Variants in FAXC observed in about 807,000 individuals in gnomAD.
FAXC encodes failed axon connections homolog.
A neutral mutation model predicts 41.9 loss-of-function variants in FAXC; 10 were observed. The ratio of observed to expected loss-of-function variants is 0.24; its 90% CI spans 0.15 to 0.41. The LOEUF (loss-of-function observed/expected upper bound fraction) is 0.41. Among genes scored for constraint, FAXC ranks in the 10% least tolerant of loss-of-function variants. The pLI is 1.00. For missense variants in FAXC, 399 were observed against 510.9 expected, an observed-to-expected ratio of 0.78 and a Z score of 2.11; for synonymous variants, 183 against 183.8, an observed-to-expected ratio of 1.00 and a Z score of 0.03.
intron 1 of FAXC, among the ~76,000 whole-genome samples, chr6:99,348,247 C>T (rs866012949): frequency 5.9e-5 from 9 of 152,120 alleles, no homozygotes; most frequent in Admixed American, 4.6e-4. Flanking sequence ...CTTCCAGTGA[C>T]GGAAGGCTCA....
intron 4 of FAXC, among the ~76,000 whole-genome samples, chr6:99,305,472 TA>T: frequency 6.6e-6 from 1 of 152,212 alleles, no homozygotes; most frequent in South Asian, 2.1e-4. Context: ...TGATCTCAGG[TA>T]AGCTAATTCA....
Position 99,274,770 on chromosome 6 carries a change from A to G in FAXC, c.*6394T>C, listed in dbSNP as rs1268896311. On this transcript the variant is annotated 3_prime_UTR_variant, in exon 6 of 6. Transcript: ENST00000389677. The stretch of plus-strand genomic sequence containing the variant: ...ACAAATCCCAGGCATAATTTGTTAA[A>G]GATAAAAATACAATCATTTGGACAT... The G allele has an allele frequency of 6.6e-6, 1 of 152,242 alleles. No individual in the cohort carries two copies. Among genetic ancestry groups the G allele is most frequent in the Non-Finnish European group, 1.5e-5 (1 of 68,032 alleles). The allele number at this position is 152,242 out of a possible 1,614,324, so 9.4% of individuals were successfully genotyped here.
intron 4 of FAXC, among the ~76,000 whole-genome samples, chr6:99,296,746 T>TA (rs1338489152): frequency 6.6e-6 from 1 of 151,942 alleles, no homozygotes; most frequent in Non-Finnish European, 1.5e-5. Context: ...AGACCAGGGA[T>TA]AAAATACAAG....
At chr6:99,312,705 C>A (rs879143900) in intron 4 of FAXC, among the ~76,000 whole-genome samples, 32 of 152,162 alleles carry the variant, frequency 2.1e-4, no homozygotes, top group African/African-American at 7.5e-4. Context: ...TGTAAGGTTG[C>A]AATATTTTAG....
At chr6:99,297,175 T>A (rs1355215889) in intron 4 of FAXC, among the ~76,000 whole-genome samples, 1 of 152,116 alleles carries the variant, frequency 6.6e-6, no homozygotes, top group Non-Finnish European at 1.5e-5. Flanking sequence ...CCTTCCCACA[T>A]TGTCTTCCAC....
intron 1 of FAXC, among the ~76,000 whole-genome samples, chr6:99,347,510 A>G (rs1773646190): frequency 6.6e-6 from 1 of 152,208 alleles, no homozygotes; most frequent in Admixed American, 6.5e-5. Context: ...TAAATGAGTT[A>G]GTAGCTATCT....
intron 5 of FAXC, among the ~76,000 whole-genome samples, chr6:99,283,070 T>C (rs970560745): frequency 6.6e-6 from 1 of 152,238 alleles, no homozygotes. Context: ...TTTGTCTTTA[T>C]GAATCCCCTA....
At chr6:99,314,610 G>C (rs996143639) in intron 4 of FAXC, among the ~76,000 whole-genome samples, 8 of 152,060 alleles carry the variant, frequency 5.3e-5, no homozygotes, top group African/African-American at 1.4e-4. Context: ...ACATGAAACG[G>C]ATATAGGATC....
chr6:99,318,024 C>A (rs34994720), intron 4 of FAXC, among the ~76,000 whole-genome samples: 54,748 of 151,770 alleles, frequency 0.36, 10,621 homozygotes, highest in Middle Eastern at 0.46. Context: ...TTTGGGAGGC[C>A]GAGGCGGGTG....
chr6:99,336,433 C>G (rs1773220406), intron 2 of FAXC, among the ~76,000 whole-genome samples: 1 of 152,132 alleles, frequency 6.6e-6, no homozygotes, highest in African/African-American at 2.4e-5. Context: ...TTCTTTAAAT[C>G]TATTGAAGAA....
chr6:99,335,938 C>T (rs1773200240), intron 2 of FAXC, among the ~76,000 whole-genome samples: 2 of 151,870 alleles, frequency 1.3e-5, no homozygotes, highest in South Asian at 4.2e-4. Flanking sequence ...TCTAAGTAAA[C>T]ATAGATGAAT....
intron 1 of FAXC, among the ~76,000 whole-genome samples, chr6:99,347,274 C>T (rs796606954): frequency 2.0e-5 from 3 of 151,862 alleles, no homozygotes; most frequent in Non-Finnish European, 4.4e-5. Flanking sequence ...CGGTGGTGCA[C>T]GCCTGTAATC....
intron 2 of FAXC, among the ~76,000 whole-genome samples, chr6:99,337,032 A>T: frequency 6.6e-6 from 1 of 152,212 alleles, no homozygotes; most frequent in East Asian, 1.9e-4. Flanking sequence ...CTATCTATTT[A>T]GTTTTGAAGA....
At chr6:99,307,932 TAA>T (rs985165434) in intron 4 of FAXC, among the ~76,000 whole-genome samples, 1 of 150,336 alleles carries the variant, frequency 6.7e-6, no homozygotes, top group Non-Finnish European at 1.5e-5. Context: ...AAATGACATT[TAA>T]AAAAAAAACC....
chr6:99,293,077 G>A (rs111252886), intron 4 of FAXC, among the ~76,000 whole-genome samples: 51 of 152,268 alleles, frequency 3.3e-4, no homozygotes, highest in African/African-American at 1.2e-3. Flanking sequence ...AAAGTGCTGG[G>A]AATACAGGCA....
Position 99,274,858 on chromosome 6 carries a change from T to C in FAXC, c.*6306A>G, listed in dbSNP as rs192188922. On this transcript the variant is annotated 3_prime_UTR_variant, in exon 6 of 6. Transcript: ENST00000389677. Reference sequence around the variant, plus strand: ...GAAGAGAAGCAAATACGAAAGAACATTTCTGATTCTGAACAATGGAAGAGG... The same window carrying C: ...GAAGAGAAGCAAATACGAAAGAACACTTCTGATTCTGAACAATGGAAGAGG... 13 of 152,318 alleles carry C rather than the reference T, an allele frequency of 8.5e-5. No individual in the cohort carries two copies. Among genetic ancestry groups the C allele is most frequent in the African/African-American group, 3.1e-4 (13 of 41,576 alleles). 9.4% of individuals were successfully genotyped at this position (152,318 alleles called of 1,614,324 possible). A position where few individuals can be genotyped will look rare whatever the true frequency, so the allele number is the denominator to read the frequency against.
At chr6:99,309,755 G>A (rs900987149) in intron 4 of FAXC, 11 of 208,656 alleles carry the variant, frequency 5.3e-5, no homozygotes, top group African/African-American at 2.6e-4. Context: ...AATAAGTAAA[G>A]ACCCGTCAGA....
At chr6:99,332,290 G>A (rs144155042) in intron 3 of FAXC, among the ~76,000 whole-genome samples, 136 of 152,336 alleles carry the variant, frequency 8.9e-4, no homozygotes, top group Middle Eastern at 3.4e-3. Flanking sequence ...AGCCCATATT[G>A]AGGATATCAC....
rs1461444220 is a variant in FAXC, at chr6:99,276,988, A to G, written c.*4176T>C. ...AAGGAAGAGATTATAATCAGCTGGG[A>G]AGCCTTCATGTGAAGCTGACGAAGT... is the stretch of plus-strand genomic sequence containing the variant. On this transcript the variant is annotated 3_prime_UTR_variant, in exon 6 of 6. Transcript: ENST00000389677. 6.6e-6 allele frequency: 1 copy of G among 152,216 alleles called. No individual in the cohort carries two copies. Among genetic ancestry groups the G allele is most frequent in the Non-Finnish European group, 1.5e-5 (1 of 68,050 alleles). 9.4% of individuals were successfully genotyped at this position (152,216 alleles called of 1,614,324 possible).
Sources: allele counts gnomAD v4.1 joint callset (sites outside exome capture counted in the v4.1 genomes callset), GRCh38; gene constraint gnomAD v4.1.1; transcripts MANE v1.5; gene names NCBI Gene and HGNC (gene_info 2026-07-23, HGNC 2026-07-21).